The following RSPO3 variants were observed in gnomAD, a reference collection of about 807,000 sequenced individuals.
RSPO3 encodes the protein R-spondin 3.
A neutral mutation model predicts 36.5 loss-of-function variants in RSPO3; 17 were observed. That is an observed-to-expected ratio of 0.47 (90% CI 0.32 to 0.70). RSPO3 has a LOEUF of 0.70. Ranked by LOEUF, RSPO3 falls within the 30% of genes least tolerant of loss-of-function variation. The pLI, the probability that RSPO3 is intolerant of heterozygous loss-of-function variation, is 0.04. For synonymous variants in RSPO3, 108 were observed against 107.0 expected, an observed-to-expected ratio of 1.01 and a Z score of -0.06; for missense variants, 294 against 322.5, an observed-to-expected ratio of 0.91 and a Z score of 0.68.
intron 4 of RSPO3, among the ~76,000 whole-genome samples, chr6:127,161,056 A>T (rs1054049104): frequency 2.0e-5 from 3 of 151,806 alleles, no homozygotes; most frequent in Admixed American, 6.6e-5. Flanking sequence ...TTGTAAATTC[A>T]GTGGACAAGT....
At chr6:127,152,448 T>G (rs1288665556) in intron 3 of RSPO3, among the ~76,000 whole-genome samples, 1 of 152,128 alleles carries the variant, frequency 6.6e-6, no homozygotes, top group Non-Finnish European at 1.5e-5. Flanking sequence ...AAAGGAATAT[T>G]AAAGCCTGTT....
intron 1 of RSPO3, among the ~76,000 whole-genome samples, chr6:127,147,541 A>T (rs1774412173): frequency 6.6e-6 from 1 of 152,186 alleles, no homozygotes; most frequent in Non-Finnish European, 1.5e-5. Flanking sequence ...TAGGAAAAGA[A>T]ATCATCCTAA....
At chr6:127,194,362 TACA>T (rs1256262571) in intron 4 of RSPO3, among the ~76,000 whole-genome samples, 6 of 152,228 alleles carry the variant, frequency 3.9e-5, no homozygotes, top group Non-Finnish European at 8.8e-5. Flanking sequence ...GTATGTGGGA[TACA>T]CATTCAGAAT....
intron 4 of RSPO3, among the ~76,000 whole-genome samples, chr6:127,185,830 T>C (rs1039504825): frequency 1.3e-5 from 2 of 152,082 alleles, no homozygotes; most frequent in African/African-American, 2.4e-5. Context: ...TCTTGTATAA[T>C]CAATCACAGC....
At chr6:127,160,069 A>C (rs994355384) in intron 4 of RSPO3, among the ~76,000 whole-genome samples, 1 of 152,124 alleles carries the variant, frequency 6.6e-6, no homozygotes, top group African/African-American at 2.4e-5. Flanking sequence ...ATATGGCTAT[A>C]ATCATTTCTT....
chr6:127,157,458 C>T (rs907916112), intron 4 of RSPO3, among the ~76,000 whole-genome samples: 4 of 149,618 alleles, frequency 2.7e-5, no homozygotes, highest in African/African-American at 9.9e-5. Context: ...AAAATGTCAA[C>T]TGTTAAAACT....
chr6:127,181,450 A>G (rs1167117415), intron 4 of RSPO3, among the ~76,000 whole-genome samples: 3 of 151,842 alleles, frequency 2.0e-5, no homozygotes, highest in African/African-American at 7.3e-5. Context: ...AAGAGTTGCT[A>G]ATTTTTAGAA....
At chr6:127,158,340 G>A (rs535479686) in intron 4 of RSPO3, among the ~76,000 whole-genome samples, 1 of 152,096 alleles carries the variant, frequency 6.6e-6, no homozygotes, top group South Asian at 2.1e-4. Context: ...ATTCCTTTAG[G>A]TTCACAGCTT....
intron 1 of RSPO3, among the ~76,000 whole-genome samples, chr6:127,137,209 G>A (rs571912945): frequency 6.6e-6 from 1 of 152,146 alleles, no homozygotes; most frequent in East Asian, 1.9e-4. Context: ...CTGGCCAAAT[G>A]GTGAAACCAC....
At chr6:127,153,196 A>T (rs1167262989) in intron 3 of RSPO3, among the ~76,000 whole-genome samples, 1 of 152,124 alleles carries the variant, frequency 6.6e-6, no homozygotes, top group Non-Finnish European at 1.5e-5. Flanking sequence ...GGTTCTTAAT[A>T]CAGAAGCTAG....
At chr6:127,176,773 T>C (rs1775065043) in intron 4 of RSPO3, among the ~76,000 whole-genome samples, 2 of 151,804 alleles carry the variant, frequency 1.3e-5, no homozygotes, top group Admixed American at 1.3e-4. Context: ...AAAATCAAAG[T>C]TCATCTTCAC....
chr6:127,193,471 A>G (rs1318887022), intron 4 of RSPO3, among the ~76,000 whole-genome samples: 1 of 152,230 alleles, frequency 6.6e-6, no homozygotes, highest in African/African-American at 2.4e-5. Context: ...GATGATTTCC[A>G]TAAAAATAAC....
chr6:127,126,150 G>A (rs1172711002), intron 1 of RSPO3, among the ~76,000 whole-genome samples: 1 of 152,076 alleles, frequency 6.6e-6, no homozygotes, highest in Non-Finnish European at 1.5e-5. Flanking sequence ...AAAAATAGGA[G>A]AAGCAGGTCT....
intron 4 of RSPO3, among the ~76,000 whole-genome samples, chr6:127,162,183 C>T (rs1774722147): frequency 6.6e-6 from 1 of 152,142 alleles, no homozygotes; most frequent in African/African-American, 2.4e-5. Flanking sequence ...CACATTCTGT[C>T]AGCCTATACT....
intron 4 of RSPO3, among the ~76,000 whole-genome samples, chr6:127,178,920 C>T (rs1784890296): frequency 6.6e-6 from 1 of 151,790 alleles, no homozygotes; most frequent in Non-Finnish European, 1.5e-5. Flanking sequence ...GCGGTGAACA[C>T]CCAGAGGAGA....
chr6:127,163,309 T>C (rs984310893), intron 4 of RSPO3, among the ~76,000 whole-genome samples: 2 of 152,120 alleles, frequency 1.3e-5, no homozygotes, highest in Non-Finnish European at 1.5e-5. Context: ...CTCTTTGACA[T>C]AGGGGACACC....
chr6:127,190,749 A>G (rs1474083975), intron 4 of RSPO3, among the ~76,000 whole-genome samples: 1 of 152,234 alleles, frequency 6.6e-6, no homozygotes, highest in African/African-American at 2.4e-5. Flanking sequence ...GAAGTGAACT[A>G]CTTACAGCTC....
chr6:127,130,185 C>T (rs1774023020), intron 1 of RSPO3, among the ~76,000 whole-genome samples: 1 of 152,092 alleles, frequency 6.6e-6, no homozygotes, highest in Non-Finnish European at 1.5e-5. Context: ...TCAAGTAGCA[C>T]AAAAGTATTC....
At chr6:127,148,879 G>A (rs779909312) in intron 2 of RSPO3, 40 bp downstream of exon 2, 9 of 1,516,618 alleles carry the variant, frequency 5.9e-6, no homozygotes, top group South Asian at 2.4e-5. Context: ...TCTCATCTTT[G>A]GTGACTTTTC....
Sources: allele counts gnomAD v4.1 joint callset (sites outside exome capture counted in the v4.1 genomes callset), GRCh38; gene constraint gnomAD v4.1.1; transcripts MANE v1.5; gene names NCBI Gene and HGNC (gene_info 2026-07-23, HGNC 2026-07-21).